Variants in PRKAG2 observed in about 807,000 individuals in gnomAD.
PRKAG2 encodes the protein 5'-AMP-activated protein kinase subunit gamma-2.
Under a neutral mutation model 69.6 loss-of-function variants are expected in PRKAG2, and 26 were observed. That is an observed-to-expected ratio of 0.37 (90% CI 0.27 to 0.52). PRKAG2 has a LOEUF of 0.52. PRKAG2 is among the 20% of genes least tolerant of loss of function. The probability of loss-of-function intolerance (pLI) is 0.90; values close to 1 mark genes in which losing one functional copy is unlikely to be tolerated. For missense variants in PRKAG2, 557 were observed against 740.0 expected (o/e 0.75, Z 2.87); for synonymous variants, 293 against 285.0 (o/e 1.03, Z -0.28).
In PRKAG2 at chr7:151,716,984, C is replaced by T. The variant is rs139841885; in HGVS notation, c.467-41347G>A. Among the ~76,000 whole-genome samples, 41 of 152,234 alleles carry T rather than the reference C, an allele frequency of 2.7e-4. No homozygotes were observed. The East Asian group carries it at 5.2e-3, about 19-fold the overall frequency. ...GAGGTGGGCCGGGTGTGGTGGCTCA[C>T]GCCTGTAATCCCAGCACTTTGGGAG... On this transcript the variant is annotated intron_variant, in intron 3 of 15. Transcript: ENST00000287878.
intron 5 of PRKAG2, among the ~76,000 whole-genome samples, chr7:151,619,820 AGACCAGCCTGGCCAACATGGC>A (rs1184364680): frequency 6.6e-6 from 1 of 152,224 alleles, no homozygotes; most frequent in Admixed American, 6.5e-5. Context: ...CAGGAGTTCA[AGACCAGCCTGGCCAACATGGC>A]GAAACCCCAT....
chr7:151,696,314 C>A (rs1034166780), intron 3 of PRKAG2, among the ~76,000 whole-genome samples: 1 of 152,254 alleles, frequency 6.6e-6, no homozygotes, highest in African/African-American at 2.4e-5. Flanking sequence ...GGGCAGCTCC[C>A]AGCTCCAATG....
chr7:151,662,384 C>A lies in PRKAG2; in HGVS notation c.684+13036G>T, dbSNP rs377509749. Among the ~76,000 whole-genome samples the A allele has an allele frequency of 4.3e-4, 65 of 152,300 alleles. No homozygotes were observed. The Middle Eastern group carries it at 0.014, about 32-fold the overall frequency. On this transcript the variant is annotated intron_variant, in intron 4 of 15. Transcript: ENST00000287878. ...TTTCTAATTTAATGACACTGTCATC[C>A]TTCCTTTCATGCCAGAAACTGGAGA...
intron 1 of PRKAG2, among the ~76,000 whole-genome samples, chr7:151,831,564 G>A (rs948820607): frequency 1.5e-4 from 23 of 152,244 alleles, no homozygotes; most frequent in Non-Finnish European, 3.1e-4. Flanking sequence ...ACCTTAGTGA[G>A]TTAATGGCTA....
chr7:151,731,290 TTCCC>T (rs1253064892), intron 3 of PRKAG2, among the ~76,000 whole-genome samples: 1 of 152,194 alleles, frequency 6.6e-6, no homozygotes, highest in Non-Finnish European at 1.5e-5. Context: ...GGTGGGGAGC[TTCCC>T]TTCTGTGCCA....
chr7:151,562,724 T>C (rs1411501864), intron 14 of PRKAG2, among the ~76,000 whole-genome samples: 2 of 152,012 alleles, frequency 1.3e-5, no homozygotes, highest in African/African-American at 2.4e-5. Context: ...TCCCAGCACT[T>C]TGGGAGGCCG....
At chr7:151,577,065 T>G (rs972831948) in intron 6 of PRKAG2, among the ~76,000 whole-genome samples, 1 of 152,158 alleles carries the variant, frequency 6.6e-6, no homozygotes, top group Non-Finnish European at 1.5e-5. Context: ...AGAATTAAAC[T>G]TCAGGGTCTA....
intron 1 of PRKAG2, among the ~76,000 whole-genome samples, chr7:151,848,554 C>T (rs950055659): frequency 5.0e-5 from 5 of 100,968 alleles, no homozygotes; most frequent in African/African-American, 8.2e-5. Flanking sequence ...GATGGAGCTT[C>T]GCTCTTGTTG....
intron 1 of PRKAG2, among the ~76,000 whole-genome samples, chr7:151,851,818 T>A (rs564497163): frequency 1.3e-5 from 2 of 152,232 alleles, no homozygotes; most frequent in East Asian, 1.9e-4. Flanking sequence ...TCATCGTCTA[T>A]GAAATGTGCA....
At chr7:151,584,961 T>C (rs1398278453) in intron 6 of PRKAG2, among the ~76,000 whole-genome samples, 1 of 152,068 alleles carries the variant, frequency 6.6e-6, no homozygotes, top group African/African-American at 2.4e-5. Flanking sequence ...AACTGGATAC[T>C]AGGAGTGTCA....
chr7:151,722,070 G>C (rs138603461), intron 3 of PRKAG2, among the ~76,000 whole-genome samples: 6 of 152,254 alleles, frequency 3.9e-5, no homozygotes, highest in Non-Finnish European at 8.8e-5. Flanking sequence ...ATGTGAATAT[G>C]ATGGATGTTG....
intron 6 of PRKAG2, among the ~76,000 whole-genome samples, chr7:151,589,385 A>T (rs952862620): frequency 3.7e-4 from 57 of 152,064 alleles, no homozygotes; most frequent in Admixed American, 3.7e-3. Flanking sequence ...ATGGTGAAAC[A>T]TGGGTCACTG....
chr7:151,837,957 C>T (rs1039553631), intron 1 of PRKAG2, among the ~76,000 whole-genome samples: 3 of 152,140 alleles, frequency 2.0e-5, no homozygotes, highest in South Asian at 2.1e-4. Flanking sequence ...TGGAGCAGGC[C>T]GCGCCTGGGC....
chr7:151,692,235 G>A (rs6970728), intron 3 of PRKAG2, among the ~76,000 whole-genome samples: 4 of 151,804 alleles, frequency 2.6e-5, no homozygotes, highest in Non-Finnish European at 5.9e-5. Context: ...CAAAAAACTG[G>A]TGCATCTATA....
intron 5 of PRKAG2, among the ~76,000 whole-genome samples, chr7:151,603,179 G>A (rs1442016092): frequency 0.018 from 2,270 of 126,790 alleles, 110 homozygotes; most frequent in African/African-American, 0.072. Context: ...GCACACGGAG[G>A]GACACGCTCC....
chr7:151,665,849 A>G (rs1441070598), intron 4 of PRKAG2, among the ~76,000 whole-genome samples: 3 of 152,170 alleles, frequency 2.0e-5, no homozygotes, highest in African/African-American at 7.2e-5. Context: ...GCGATTTGAG[A>G]TATTTATAGA....
Position 151,610,743 on chromosome 7 carries a change from T to C in PRKAG2, c.755-15289A>G, listed in dbSNP as rs760329372. 2.8e-3 allele frequency among the ~76,000 whole-genome samples: 270 copies of C among 96,550 alleles called. 1 individual carries two copies. Among genetic ancestry groups the C allele is most frequent in the Middle Eastern group, 0.011 (2 of 190 alleles). The allele number at this position is 96,550 out of a possible 152,430, so 63.3% of individuals were successfully genotyped here. On this transcript the variant is annotated intron_variant, in intron 5 of 15. Coordinates refer to ENST00000287878, the MANE Select transcript of PRKAG2 (RefSeq NM_016203.4). Reference sequence around the variant, plus strand: ...ATTATAAATATTTTTTCTTTTCTTTTTTTTTTTTTTTTTTTGAGATGGAGT... The same window carrying C: ...ATTATAAATATTTTTTCTTTTCTTTCTTTTTTTTTTTTTTTGAGATGGAGT...
intron 5 of PRKAG2, among the ~76,000 whole-genome samples, chr7:151,631,243 T>C (rs921058258): frequency 2.0e-5 from 3 of 152,228 alleles, no homozygotes; most frequent in African/African-American, 7.2e-5. Flanking sequence ...AGTCCTCGAA[T>C]TGTCAAGCAT....
At chr7:151,652,751 G>C (rs1435712488) in intron 4 of PRKAG2, among the ~76,000 whole-genome samples, 1 of 152,080 alleles carries the variant, frequency 6.6e-6, no homozygotes, top group Non-Finnish European at 1.5e-5. Flanking sequence ...TCCTTCTCAT[G>C]AGTGGCTGGG....
Sources: gnomAD v4.1 joint callset for allele counts (sites outside exome capture counted in the v4.1 genomes callset) on GRCh38, gnomAD v4.1.1 for gene constraint, MANE v1.5 for transcripts, NCBI Gene and HGNC (gene_info 2026-07-23, HGNC 2026-07-21) for gene names.